The following MYLK4 variants were observed in gnomAD, a reference collection of about 807,000 sequenced individuals.
The protein encoded by MYLK4 is myosin light chain kinase family member 4.
Under a neutral mutation model 48.1 loss-of-function variants are expected in MYLK4, and 46 were observed. The observed-to-expected ratio is 0.96, with a 90% CI of 0.75 to 1.22. MYLK4 has a LOEUF of 1.22. Ranked by LOEUF, MYLK4 falls within the 50% of genes most tolerant of loss-of-function variation. The pLI is 0.00. For missense variants in MYLK4, 451 were observed against 486.1 expected (o/e 0.93, Z 0.68); for synonymous variants, 170 against 180.8 (o/e 0.94, Z 0.48).
the MYLK4 span, among the ~76,000 whole-genome samples, chr6:2,765,237 T>C: frequency 2.1e-4 from 25 of 119,938 alleles, no homozygotes; most frequent in African/African-American, 8.1e-4. Flanking sequence ...GAGTCGGAAA[T>C]GGACGCACGG....
At position 2,666,781 on chromosome 6, in the gene MYLK4, CCA is replaced by C. The variant is rs1760671600; in HGVS notation, c.*1142_*1143del. The C allele has an allele frequency of 6.6e-6, 1 of 152,250 alleles. No homozygotes were observed. Among genetic ancestry groups the C allele is most frequent in the African/African-American group, 2.4e-5 (1 of 41,460 alleles). 9.4% of individuals were successfully genotyped at this position (152,250 alleles called of 1,614,324 possible). A position where few individuals can be genotyped will look rare whatever the true frequency, so the allele number is the denominator to read the frequency against. On this transcript the variant is annotated 3_prime_UTR_variant, in exon 13 of 13. Transcript: ENST00000274643. The stretch of plus-strand genomic sequence containing the variant: ...GGCCATTTCCTTTCTTACATATCTG[CCA>C]TGAAATGGCACACAGGCTAGGCATA...
Position 2,749,215 on chromosome 6 carries a change from C to A in MYLK4, c.80G>T (p.Cys27Phe). ...NQLEKMAFFQCREEVEKVKCF... is the reference protein window; with the variant it reads ...NQLEKMAFFQFREEVEKVKCF... Reference sequence around the variant, plus strand: ...CTTCACTTTCTCCACCTCTTCCCTGCACTGAAAAAAGGCCATTTTCTCCAG... The same window carrying A: ...CTTCACTTTCTCCACCTCTTCCCTGAACTGAAAAAAGGCCATTTTCTCCAG... Residue 27 changes from cysteine to phenylalanine, a missense_variant, in exon 2 of 13, where the codon TGC (cysteine) becomes TTC (phenylalanine). Transcript: ENST00000274643. 6 of 1,614,068 alleles carry A rather than the reference C, an allele frequency of 3.7e-6. No homozygotes were observed. Among genetic ancestry groups the A allele is most frequent in the Non-Finnish European group, 4.2e-6 (5 of 1,179,936 alleles).
chr6:2,751,119 T>C (rs1764275691), upstream of MYLK4, among the ~76,000 whole-genome samples: 1 of 152,196 alleles, frequency 6.6e-6, no homozygotes, highest in African/African-American at 2.4e-5. Context: ...CACCTTTCCC[T>C]CGTATCATTG....
intron 2 of MYLK4, among the ~76,000 whole-genome samples, chr6:2,717,185 G>T (rs1762894496): frequency 6.6e-6 from 1 of 152,222 alleles, no homozygotes; most frequent in African/African-American, 2.4e-5. Context: ...AGAAAGAGCA[G>T]CTTTGTTCGT....
At chr6:2,741,154 C>T (rs887970432) in intron 2 of MYLK4, among the ~76,000 whole-genome samples, 8 of 151,960 alleles carry the variant, frequency 5.3e-5, no homozygotes, top group African/African-American at 1.9e-4. Flanking sequence ...TAGCAAAAAT[C>T]ATGATAGTGG....
chr6:2,751,922 T>C (rs1289566903), upstream of MYLK4, among the ~76,000 whole-genome samples: 5 of 152,188 alleles, frequency 3.3e-5, no homozygotes, highest in African/African-American at 4.8e-5. Flanking sequence ...AACTATAAAT[T>C]TGTGGAGATA....
intron 4 of MYLK4, among the ~76,000 whole-genome samples, chr6:2,687,670 T>C (rs1334229233): frequency 6.6e-6 from 1 of 152,096 alleles, no homozygotes; most frequent in Non-Finnish European, 1.5e-5. Flanking sequence ...GGGCATTCTA[T>C]GAGATCAGCC....
the MYLK4 span, chr6:2,770,141 G>A: frequency 6.2e-7 from 1 of 1,614,184 alleles, no homozygotes; most frequent in Non-Finnish European, 8.5e-7. Flanking sequence ...TCCTCACGTG[G>A]AATGTGGGAC....
rs2113112920 is a variant in MYLK4 at position 2,679,406 on chromosome 6, T to C, written c.761A>G (p.Tyr254Cys). ...KIIDFGLARR[Y>C]KPREKLKVNF... Reference sequence around the variant, plus strand: ...CACCTTCAGCTTCTCTCTGGGTTTGTATCTGCAATTTAAGAGACAAAGTGG... The same window carrying C: ...CACCTTCAGCTTCTCTCTGGGTTTGCATCTGCAATTTAAGAGACAAAGTGG... The change falls in exon 9 of 13, where the codon TAC becomes TGC. Residue 254 changes from tyrosine (Y) to cysteine (C), a missense_variant and splice_region_variant. By Grantham distance (194) the Tyr-to-Cys change is radical. Transcript: ENST00000274643. The C allele has an allele frequency of 6.2e-7, 1 of 1,614,202 alleles. No homozygotes were observed.
intron 2 of MYLK4, among the ~76,000 whole-genome samples, chr6:2,712,930 C>T (rs1157144637): frequency 6.6e-6 from 1 of 152,254 alleles, no homozygotes; most frequent in Non-Finnish European, 1.5e-5. Context: ...CATCCCATTT[C>T]TGCTAACCAG....
intron 2 of MYLK4, among the ~76,000 whole-genome samples, chr6:2,713,123 A>C (rs112828483): frequency 1.3e-5 from 2 of 152,038 alleles, no homozygotes; most frequent in South Asian, 4.2e-4. Flanking sequence ...ACAATCCCAG[A>C]ACTTTGGGAG....
intron 7 of MYLK4, among the ~76,000 whole-genome samples, chr6:2,682,192 T>C (rs766065117): frequency 2.6e-5 from 4 of 152,224 alleles, no homozygotes; most frequent in Non-Finnish European, 4.4e-5. Flanking sequence ...ATATAGATTG[T>C]ATATTTTATG....
the MYLK4 span, chr6:2,765,825 G>C: frequency 2.2e-6 from 3 of 1,361,038 alleles, no homozygotes; most frequent in Non-Finnish European, 2.8e-6. Context: ...TCGCCGCCCG[G>C]CGCCAAGAGG....
At chr6:2,770,049 C>T in the MYLK4 span, 1 of 1,592,658 alleles carries the variant, frequency 6.3e-7, no homozygotes, top group Non-Finnish European at 8.6e-7. Flanking sequence ...GAAGGGATAG[C>T]CAACTTACAT....
chr6:2,707,470 C>T (rs1232357569), intron 2 of MYLK4, among the ~76,000 whole-genome samples: 1 of 152,162 alleles, frequency 6.6e-6, no homozygotes, highest in South Asian at 2.1e-4. Flanking sequence ...TCAGTCAAAT[C>T]GCAACATGAA....
At chr6:2,687,601 G>C (rs963127136) in intron 4 of MYLK4, among the ~76,000 whole-genome samples, 1 of 152,132 alleles carries the variant, frequency 6.6e-6, no homozygotes, top group Non-Finnish European at 1.5e-5. Flanking sequence ...GGCTTCCATG[G>C]AGCCAGTTCA....
chr6:2,750,455 C>G (rs895064136), intron 1 of MYLK4, among the ~76,000 whole-genome samples: 1 of 152,070 alleles, frequency 6.6e-6, no homozygotes, highest in African/African-American at 2.4e-5. Flanking sequence ...TCAAATTGCC[C>G]TGAAAAAATT....
At chr6:2,760,736 T>G in the MYLK4 span, among the ~76,000 whole-genome samples, 1 of 152,008 alleles carries the variant, frequency 6.6e-6, no homozygotes, top group African/African-American at 2.4e-5. Flanking sequence ...TAACAAAAAA[T>G]CAATGCATTT....
At position 2,679,331 on chromosome 6, in the gene MYLK4, A is replaced by G. The variant is rs1229411877; in HGVS notation, c.836T>C (p.Phe279Ser). 1 of 1,614,058 alleles carries G rather than the reference A, an allele frequency of 6.2e-7. No individual in the cohort carries two copies. The highest frequency in any genetic ancestry group is 1.3e-5 in the African/African-American group (1 of 74,894). Reference sequence around the variant, plus strand: ...CCACATGTCAGTGGGAAATGAAACAAAATCATAGTTCACAACTTCAGGGGC... The same window carrying G: ...CCACATGTCAGTGGGAAATGAAACAGAATCATAGTTCACAACTTCAGGGGC... ...FLAPEVVNYD[F>S]VSFPTDMWSV... Residue 279 changes from phenylalanine to serine, a missense_variant, in exon 9 of 13, where the codon TTT becomes TCT. Physicochemically the swap from Phe to Ser is radical, Grantham distance 155. Coordinates refer to ENST00000274643, the MANE Select transcript of MYLK4 (RefSeq NM_001012418.5).
Sources: gnomAD v4.1 joint callset for allele counts (sites outside exome capture counted in the v4.1 genomes callset) on GRCh38, gnomAD v4.1.1 for gene constraint, MANE v1.5 for transcripts, NCBI Gene and HGNC (gene_info 2026-07-23, HGNC 2026-07-21) for gene names.